The following MCTP1 variants were observed in gnomAD, a reference collection of about 807,000 sequenced individuals.
MCTP1 encodes multiple C2 and transmembrane domain containing 1.
In MCTP1, 69 loss-of-function variants were observed where a neutral mutation model predicts 120.6. The observed-to-expected ratio is 0.57, with a 90% CI of 0.47 to 0.70. MCTP1 has a LOEUF of 0.70. MCTP1 is among the 30% of genes least tolerant of loss of function. The pLI is 0.00. For missense variants in MCTP1, 1,203 were observed against 1,248.8 expected (o/e 0.96, Z 0.55); for synonymous variants, 529 against 493.1 (o/e 1.07, Z -0.96).
intron 20 of MCTP1, among the ~76,000 whole-genome samples, chr5:94,713,842 A>C (rs1377733015): frequency 6.6e-6 from 1 of 152,206 alleles, no homozygotes; most frequent in Non-Finnish European, 1.5e-5. Flanking sequence ...TCACACCTTT[A>C]GTTTAAATAA....
intron 1 of MCTP1, among the ~76,000 whole-genome samples, chr5:95,272,278 T>TA (rs1456828103): frequency 2.6e-5 from 4 of 152,174 alleles, no homozygotes; most frequent in African/African-American, 9.7e-5. Context: ...AAGCTACTAA[T>TA]AAAAAAATTG....
intron 5 of MCTP1, among the ~76,000 whole-genome samples, chr5:94,939,229 C>T (rs909953342): frequency 6.6e-6 from 1 of 152,022 alleles, no homozygotes; most frequent in African/African-American, 2.4e-5. Flanking sequence ...CAATACCTTT[C>T]CAGCAGACAA....
Position 94,779,242 on chromosome 5 carries a change from T to C in MCTP1, c.2557-79A>G, listed in dbSNP as rs1408742958. 2.5e-6 allele frequency: 3 copies of C among 1,198,646 alleles called. No homozygotes were observed. In the African/African-American group the frequency reaches 4.5e-5, roughly 18 times the overall value. The allele number at this position is 1,198,646 out of a possible 1,614,324, so 74.3% of individuals were successfully genotyped here. A position where few individuals can be genotyped will look rare whatever the true frequency, so the allele number is the denominator to read the frequency against. ...TCTGTCATTTTGAACCTTTTGGAAATGAAAACTTTATTAACATTTGAAACA... is the reference window on the plus strand; with the variant it reads ...TCTGTCATTTTGAACCTTTTGGAAACGAAAACTTTATTAACATTTGAAACA... On this transcript the variant is annotated intron_variant, in intron 18 of 22. Transcript: ENST00000515393.
At chr5:94,901,246 C>T (rs1329897256) in intron 10 of MCTP1, among the ~76,000 whole-genome samples, 1 of 152,094 alleles carries the variant, frequency 6.6e-6, no homozygotes, top group East Asian at 1.9e-4. Context: ...GGGGAACTCC[C>T]CTTTATAAAA....
intron 1 of MCTP1, among the ~76,000 whole-genome samples, chr5:95,278,250 T>C (rs538912961): frequency 1.3e-5 from 2 of 152,170 alleles, no homozygotes; most frequent in Non-Finnish European, 2.9e-5. Flanking sequence ...CAAATTAAAA[T>C]GGCACATAAA....
chr5:94,826,759 G>T, intron 17 of MCTP1: 1 of 163,960 alleles, frequency 6.1e-6, no homozygotes, highest in Non-Finnish European at 1.2e-5. Flanking sequence ...AGAGAGTAGG[G>T]TTGTGACCCC....
intron 1 of MCTP1, among the ~76,000 whole-genome samples, chr5:95,065,108 C>A (rs1750287193): frequency 6.6e-6 from 1 of 151,824 alleles, no homozygotes; most frequent in Admixed American, 6.6e-5. Flanking sequence ...AAAACTATTT[C>A]AAGAATAATT....
intron 17 of MCTP1, among the ~76,000 whole-genome samples, chr5:94,805,941 A>T (rs1332215871): frequency 6.6e-6 from 1 of 150,834 alleles, no homozygotes; most frequent in Non-Finnish European, 1.5e-5. Context: ...TGATTATCCA[A>T]TTGTAGATTT....
intron 17 of MCTP1, among the ~76,000 whole-genome samples, chr5:94,823,771 G>A (rs988373026): frequency 6.6e-6 from 1 of 152,194 alleles, no homozygotes; most frequent in African/African-American, 2.4e-5. Context: ...TCCCTTGTAA[G>A]CTGTATTCCT....
At chr5:95,166,595 G>T (rs1746401724) in intron 1 of MCTP1, among the ~76,000 whole-genome samples, 1 of 134,320 alleles carries the variant, frequency 7.4e-6, no homozygotes, top group Non-Finnish European at 1.5e-5. Context: ...TTGAGATGGA[G>T]TCTCACTCGT....
At chr5:94,760,217 C>T (rs77546128) in intron 19 of MCTP1, among the ~76,000 whole-genome samples, 280 of 152,040 alleles carry the variant, frequency 1.8e-3, no homozygotes, top group African/African-American at 6.7e-3. Flanking sequence ...CTAATATACC[C>T]CATTAGAAAG....
intron 18 of MCTP1, among the ~76,000 whole-genome samples, chr5:94,786,855 A>T (rs1006651756): frequency 4.6e-5 from 7 of 152,220 alleles, no homozygotes; most frequent in African/African-American, 1.7e-4. Flanking sequence ...TAAATATTAA[A>T]ATTATGTTTC....
At chr5:95,101,294 TG>T (rs1204269964) in intron 1 of MCTP1, among the ~76,000 whole-genome samples, 1 of 152,168 alleles carries the variant, frequency 6.6e-6, no homozygotes, top group African/African-American at 2.4e-5. Flanking sequence ...CCTCAAAATT[TG>T]TACATCCTGA....
chr5:95,284,398 G>C lies in MCTP1; in HGVS notation c.178C>G (p.Pro60Ala). The C allele has an allele frequency of 6.3e-7, 1 of 1,590,918 alleles. No homozygotes were observed. The highest frequency in any genetic ancestry group is 8.5e-7 in the Non-Finnish European group (1 of 1,176,962). Residue 60 changes from proline to alanine, a missense_variant, in exon 1 of 23, where the codon CCC (proline) becomes GCC (alanine). Pro to Ala is a conservative substitution (Grantham distance 27, BLOSUM62 -1). This residue lies in a region of MCTP1 where 463 missense variants were observed against 377.8 expected (regional missense o/e 1.23). Transcript: ENST00000515393. The surrounding 1 kb of genome is among the most constrained non-coding windows in gnomAD (Gnocchi z 5.2). ...TADTPSPSPP[P>A]PVGTGNAPAR... ...GGTGCATTCCCTGTGCCCACCGGGG[G>C]TGGCGGGGAGGGCGACGGGGTGTCC...
Position 94,775,061 on chromosome 5 carries a change from T to C in MCTP1, c.2610+4049A>G, listed in dbSNP as rs554602127. ...AGATTTCAAGAATTAAAGCAAAGAA[T>C]CTGTTTACTTTGAACTAACTCTAGA... On this transcript the variant is annotated intron_variant, in intron 19 of 22. Transcript: ENST00000515393. Among the ~76,000 whole-genome samples the C allele has an allele frequency of 1.4e-4, 22 of 152,302 alleles. 1 individual carries two copies. The highest frequency in any genetic ancestry group is 6.2e-4 in the South Asian group (3 of 4,834).
chr5:95,267,519 C>G (rs985942656), intron 1 of MCTP1, among the ~76,000 whole-genome samples: 1 of 152,146 alleles, frequency 6.6e-6, no homozygotes, highest in Non-Finnish European at 1.5e-5. Flanking sequence ...GGGAAAGACA[C>G]TTTCATCCTC....
At chr5:94,764,449 G>A (rs540387548) in intron 19 of MCTP1, among the ~76,000 whole-genome samples, 1 of 152,110 alleles carries the variant, frequency 6.6e-6, no homozygotes, top group South Asian at 2.1e-4. Context: ...GATTAAGTGG[G>A]AAATTTTCAA....
At chr5:94,793,847 C>T (rs765374917) in intron 18 of MCTP1, among the ~76,000 whole-genome samples, 47 of 152,192 alleles carry the variant, frequency 3.1e-4, no homozygotes, top group Non-Finnish European at 6.5e-4. Flanking sequence ...TTTGGTGGAC[C>T]ATCCCAAACT....
At chr5:95,141,983 T>C (rs951013435) in intron 1 of MCTP1, among the ~76,000 whole-genome samples, 2 of 152,234 alleles carry the variant, frequency 1.3e-5, no homozygotes, top group African/African-American at 4.8e-5. Flanking sequence ...ATCTACTATA[T>C]GCTTAAAAAT....
Sources: allele counts gnomAD v4.1 joint callset (sites outside exome capture counted in the v4.1 genomes callset), GRCh38; gene constraint gnomAD v4.1.1; regional missense constraint gnomAD v4.1.1; non-coding constraint Gnocchi (gnomAD v3.1); transcripts MANE v1.5; gene names NCBI Gene and HGNC (gene_info 2026-07-23, HGNC 2026-07-21).